Variants in FYN observed in about 807,000 individuals in gnomAD.
The protein encoded by FYN is tyrosine-protein kinase Fyn.
In FYN, 10 loss-of-function variants were observed where a neutral mutation model predicts 70.2. The ratio of observed to expected loss-of-function variants is 0.14; its 90% CI spans 0.09 to 0.24. The LOEUF is 0.24. FYN is among the 10% of genes least tolerant of loss of function. The pLI is 1.00. For synonymous variants in FYN, 236 were observed against 248.6 expected (o/e 0.95, Z 0.48); for missense variants, 319 against 673.1 (o/e 0.47, Z 5.82).
intron 3 of FYN, among the ~76,000 whole-genome samples, chr6:111,735,681 G>T (rs1801678731): frequency 6.6e-6 from 1 of 152,104 alleles, no homozygotes. Context: ...AGAAGGCAAG[G>T]GTAGAAAGAG....
At chr6:111,715,639 G>A (rs1336666866) in intron 4 of FYN, among the ~76,000 whole-genome samples, 1 of 152,134 alleles carries the variant, frequency 6.6e-6, no homozygotes, top group Non-Finnish European at 1.5e-5. Context: ...CAAGAACTGA[G>A]GGTGGCCTCT....
At position 111,688,739 on chromosome 6, in the gene FYN, A is replaced by G. The variant is rs538840666; in HGVS notation, c.1273+5636T>C. Among the ~76,000 whole-genome samples, 13 of 152,316 alleles carry G rather than the reference A, an allele frequency of 8.5e-5. No individual in the cohort carries two copies. In the South Asian group the frequency reaches 2.7e-3, roughly 32 times the overall value. The stretch of plus-strand genomic sequence containing the variant: ...GCCCATCTGATATTCAGACTTCACA[A>G]GATTAAAAACAAGAGAGGCAGCGCA... On this transcript the variant is annotated intron_variant, in intron 12 of 13. Coordinates refer to ENST00000354650, the MANE Select transcript of FYN (RefSeq NM_002037.5).
At chr6:111,797,507 A>G (rs902812268) in intron 2 of FYN, among the ~76,000 whole-genome samples, 1 of 151,688 alleles carries the variant, frequency 6.6e-6, no homozygotes, top group Non-Finnish European at 1.5e-5. Context: ...ATAATCTCAA[A>G]TATGAGAATA....
At chr6:111,786,003 CT>C (rs36023146) in intron 2 of FYN, among the ~76,000 whole-genome samples, 3 of 151,670 alleles carry the variant, frequency 2.0e-5, no homozygotes, top group Admixed American at 1.3e-4. Context: ...TGAACTCATT[CT>C]TTTTTTATGG....
intron 3 of FYN, among the ~76,000 whole-genome samples, chr6:111,734,191 ACACATTGAGCAGAAC>A (rs1436811491): frequency 2.6e-5 from 4 of 152,216 alleles, no homozygotes; most frequent in African/African-American, 9.6e-5. Flanking sequence ...GACCTTTTGC[ACACATTGAGCAGAAC>A]CACTGAGTCC....
Position 111,660,986 on chromosome 6 carries a change from GAA to G in FYN, c.*751_*752del, listed in dbSNP as rs977876603. On this transcript the variant is annotated 3_prime_UTR_variant, in exon 14 of 14. Coordinates refer to ENST00000354650, the MANE Select transcript of FYN (RefSeq NM_002037.5). The stretch of plus-strand genomic sequence containing the variant: ...AAATTCAGCTTGGGGGGTGGTTCCT[GAA>G]AAGAGTCAAAGTAACAACCACCTAC... The G allele has an allele frequency of 3.3e-5, 5 of 152,164 alleles. No homozygotes were observed. Among genetic ancestry groups the G allele is most frequent in the Middle Eastern group, 3.2e-3 (1 of 316 alleles). 9.4% of individuals were successfully genotyped at this position (152,164 alleles called of 1,614,324 possible).
rs1803086898 is a variant in FYN, at chr6:111,763,409, T to G, written c.-12+17157A>C. On this transcript the variant is annotated intron_variant, in intron 3 of 13. Transcript: ENST00000354650. ...TTTTTGGCTTACACTTTACTATTTT[T>G]AAGGTTTACTATTTTTAAGGTCAAA... is the stretch of plus-strand genomic sequence containing the variant. Among the ~76,000 whole-genome samples the G allele has an allele frequency of 2.0e-5, 3 of 152,104 alleles. No individual in the cohort carries two copies. The South Asian group carries it at 6.2e-4, about 31-fold the overall frequency.
intron 4 of FYN, among the ~76,000 whole-genome samples, chr6:111,718,662 CCTT>C (rs1800786083): frequency 6.6e-6 from 1 of 152,096 alleles, no homozygotes. Context: ...AGACAGATGG[CCTT>C]AGACTGCCTG....
intron 2 of FYN, among the ~76,000 whole-genome samples, chr6:111,835,806 A>G (rs1226398419): frequency 6.6e-6 from 1 of 151,956 alleles, no homozygotes; most frequent in Non-Finnish European, 1.5e-5. Context: ...AAAGGAAAAA[A>G]GGAGAAAAAG....
chr6:111,675,790 C>T (rs1229653033), intron 12 of FYN, among the ~76,000 whole-genome samples: 1 of 150,086 alleles, frequency 6.7e-6, no homozygotes, highest in African/African-American at 2.5e-5. Context: ...AAGAGTCCGT[C>T]TCAGAAAAAA....
chr6:111,829,297 C>T (rs915480929), intron 2 of FYN, among the ~76,000 whole-genome samples: 3 of 152,172 alleles, frequency 2.0e-5, no homozygotes, highest in African/African-American at 7.2e-5. Flanking sequence ...GTAGTACTCT[C>T]CCCGGGCCTC....
intron 2 of FYN, among the ~76,000 whole-genome samples, chr6:111,806,377 T>C (rs1772148576): frequency 6.6e-6 from 1 of 152,156 alleles, no homozygotes; most frequent in Non-Finnish European, 1.5e-5. Context: ...CACCCCTGAC[T>C]GGGTCAGGAG....
rs139693451 is a variant in FYN, at chr6:111,746,355, G to A, written c.-11-26293C>T. Reference sequence around the variant, plus strand: ...AGTCAATTCCATCCCAGGCAAACACGGTTGTGATTTCTACCACGACAGATT... The same window carrying A: ...AGTCAATTCCATCCCAGGCAAACACAGTTGTGATTTCTACCACGACAGATT... On this transcript the variant is annotated intron_variant, in intron 3 of 13. Transcript: ENST00000354650. Among the ~76,000 whole-genome samples the A allele has an allele frequency of 2.8e-3, 430 of 152,232 alleles. 1 individual carries two copies. Among genetic ancestry groups the A allele is most frequent in the Non-Finnish European group, 5.2e-3 (356 of 68,010 alleles).
chr6:111,750,374 T>C (rs1232096162), intron 3 of FYN, among the ~76,000 whole-genome samples: 3 of 152,322 alleles, frequency 2.0e-5, no homozygotes, highest in Non-Finnish European at 2.9e-5. Flanking sequence ...CCATGTGAGA[T>C]GCCTCGCTTC....
intron 2 of FYN, among the ~76,000 whole-genome samples, chr6:111,822,787 G>C (rs778233295): frequency 1.1e-4 from 16 of 152,156 alleles, no homozygotes; most frequent in Non-Finnish European, 2.2e-4. Context: ...ATGCAAGAGA[G>C]AGTAGAGTCA....
chr6:111,825,847 T>A (rs1222672918), intron 2 of FYN, among the ~76,000 whole-genome samples: 3 of 152,138 alleles, frequency 2.0e-5, no homozygotes, highest in Admixed American at 1.3e-4. Flanking sequence ...TTGCTGTAAT[T>A]CTATATCCCT....
intron 6 of FYN, among the ~76,000 whole-genome samples, chr6:111,705,110 T>A (rs1308775328): frequency 6.6e-6 from 1 of 152,112 alleles, no homozygotes; most frequent in Non-Finnish European, 1.5e-5. Context: ...TCTTGATATC[T>A]AAGCATTATT....
chr6:111,698,711 G>A (rs181714073), intron 9 of FYN, among the ~76,000 whole-genome samples: 6 of 152,264 alleles, frequency 3.9e-5, no homozygotes, highest in African/African-American at 1.4e-4. Context: ...AGAGAAGTAT[G>A]TATCTCTACT....
At chr6:111,858,590 T>C (rs779147887) in intron 1 of FYN, among the ~76,000 whole-genome samples, 22 of 152,148 alleles carry the variant, frequency 1.4e-4, no homozygotes, top group Non-Finnish European at 2.6e-4. Context: ...GGGCTAACTC[T>C]GTTCTCTGAA....
Sources: gnomAD v4.1 joint callset for allele counts (sites outside exome capture counted in the v4.1 genomes callset) on GRCh38, gnomAD v4.1.1 for gene constraint, MANE v1.5 for transcripts, NCBI Gene and HGNC (gene_info 2026-07-23, HGNC 2026-07-21) for gene names.